Variants in ARHGAP42 observed in about 807,000 individuals in gnomAD.
ARHGAP42 encodes the protein rho GTPase-activating protein 42.
Under a neutral mutation model 125.0 loss-of-function variants are expected in ARHGAP42, and 63 were observed. The observed-to-expected ratio is 0.50, with a 90% CI of 0.41 to 0.62. The LOEUF (loss-of-function observed/expected upper bound fraction) is 0.62. Ranked by LOEUF, ARHGAP42 falls within the 20% of genes least tolerant of loss-of-function variation. The probability of loss-of-function intolerance (pLI) is 0.00; values close to 1 mark genes in which losing one functional copy is unlikely to be tolerated. For synonymous variants in ARHGAP42, 339 were observed against 351.0 expected, an observed-to-expected ratio of 0.97 and a Z score of 0.38; for missense variants, 766 against 1,024.2, an observed-to-expected ratio of 0.75 and a Z score of 3.44.
chr11:100,949,937 T>A lies in ARHGAP42; in HGVS notation c.1143T>A (p.Ile381=), dbSNP rs2135283585. ...GKEPIYTLPA[I]ISKKEEMYLN... ...TTTAGATTTATACTCTGCCTGCCAT[T>A]ATAAGCAAGAAAGAAGAAAGTAAGT... The change falls in exon 12 of 24, where the codon ATT becomes ATA. Residue 381 remains isoleucine (I), a synonymous_variant. Coordinates refer to ENST00000298815, the MANE Select transcript of ARHGAP42 (RefSeq NM_152432.4). The A allele has an allele frequency of 6.8e-7, 1 of 1,478,862 alleles. No homozygotes were observed. Among genetic ancestry groups the A allele is most frequent in the East Asian group, 2.5e-5 (1 of 40,048 alleles). 91.6% of individuals were successfully genotyped at this position (1,478,862 alleles called of 1,614,324 possible).
intron 1 of ARHGAP42, among the ~76,000 whole-genome samples, chr11:100,731,625 T>A (rs941449762): frequency 1.3e-5 from 2 of 152,196 alleles, no homozygotes; most frequent in African/African-American, 4.8e-5. Flanking sequence ...AATGGGACGC[T>A]CTGGGGCCCT....
At chr11:100,942,638 G>C (rs758425587) in intron 9 of ARHGAP42, among the ~76,000 whole-genome samples, 2 of 152,106 alleles carry the variant, frequency 1.3e-5, no homozygotes, top group Non-Finnish European at 2.9e-5. Context: ...TTAGTATAAA[G>C]TAAGTGCCTC....
At chr11:100,980,707 A>T (rs900329809) in intron 22 of ARHGAP42, among the ~76,000 whole-genome samples, 3 of 150,936 alleles carry the variant, frequency 2.0e-5, no homozygotes, top group African/African-American at 7.3e-5. Context: ...AGTAGCTGGG[A>T]TTACAGGTGT....
intron 3 of ARHGAP42, among the ~76,000 whole-genome samples, chr11:100,838,288 T>C (rs1329981254): frequency 6.6e-6 from 1 of 152,166 alleles, no homozygotes; most frequent in East Asian, 1.9e-4. Flanking sequence ...CTGCCAAGTT[T>C]TCCCACTATG....
intron 4 of ARHGAP42, among the ~76,000 whole-genome samples, chr11:100,895,445 A>G (rs1009657129): frequency 1.3e-5 from 2 of 151,252 alleles, no homozygotes; most frequent in African/African-American, 4.9e-5. Context: ...GAAAAGAAAT[A>G]TCTGCAATAA....
intron 2 of ARHGAP42, among the ~76,000 whole-genome samples, chr11:100,773,578 A>G (rs931615770): frequency 2.0e-5 from 3 of 152,198 alleles, no homozygotes; most frequent in Non-Finnish European, 1.5e-5. Context: ...CTTAAAAGAC[A>G]TCTTGAAGTC....
intron 1 of ARHGAP42, among the ~76,000 whole-genome samples, chr11:100,707,118 G>A (rs893405457): frequency 3.9e-5 from 6 of 152,182 alleles, no homozygotes; most frequent in Non-Finnish European, 8.8e-5. Flanking sequence ...TCAGATATAT[G>A]AATGCACCAA....
intron 3 of ARHGAP42, among the ~76,000 whole-genome samples, chr11:100,825,721 A>C (rs1161830426): frequency 6.6e-6 from 1 of 152,102 alleles, no homozygotes; most frequent in Non-Finnish European, 1.5e-5. Context: ...TGTCACTCCC[A>C]GGTTTCTTCT....
intron 21 of ARHGAP42, among the ~76,000 whole-genome samples, chr11:100,978,744 A>G (rs1284773545): frequency 6.6e-6 from 1 of 152,196 alleles, no homozygotes; most frequent in Admixed American, 6.5e-5. Flanking sequence ...AAAAAGGATG[A>G]GGATAGTAAG....
At chr11:100,938,476 C>T (rs572838) in intron 8 of ARHGAP42, among the ~76,000 whole-genome samples, 134,236 of 152,160 alleles carry the variant, frequency 0.88, 59,299 homozygotes, top group East Asian at 1. Flanking sequence ...ATTTGATCTG[C>T]ATCTGCTGCA....
At chr11:100,914,691 C>G (rs932199145) in intron 5 of ARHGAP42, among the ~76,000 whole-genome samples, 1 of 152,158 alleles carries the variant, frequency 6.6e-6, no homozygotes, top group Non-Finnish European at 1.5e-5. Flanking sequence ...TCCTCCTCCT[C>G]TCTCTTCACT....
At chr11:100,846,440 C>T (rs1374888524) in intron 3 of ARHGAP42, among the ~76,000 whole-genome samples, 2 of 152,112 alleles carry the variant, frequency 1.3e-5, no homozygotes, top group Non-Finnish European at 2.9e-5. Context: ...CCATCTTTAT[C>T]ATTTAAGTTT....
intron 4 of ARHGAP42, among the ~76,000 whole-genome samples, chr11:100,874,487 G>A (rs1380352954): frequency 6.6e-6 from 1 of 152,170 alleles, no homozygotes; most frequent in African/African-American, 2.4e-5. Flanking sequence ...CAGGAGAGCA[G>A]GTGTGGACAC....
chr11:100,958,559 T>A (rs1857869755), intron 12 of ARHGAP42, among the ~76,000 whole-genome samples: 1 of 151,928 alleles, frequency 6.6e-6, no homozygotes, highest in Admixed American at 6.6e-5. Context: ...ATATATATAT[T>A]TTTCAAAATG....
intron 1 of ARHGAP42, among the ~76,000 whole-genome samples, chr11:100,763,950 G>T (rs1340962190): frequency 6.6e-6 from 1 of 151,514 alleles, no homozygotes; most frequent in Non-Finnish European, 1.5e-5. Flanking sequence ...GTTAAATGTT[G>T]TAAGGCTCAT....
intron 1 of ARHGAP42, among the ~76,000 whole-genome samples, chr11:100,726,018 A>G (rs965834969): frequency 1.1e-4 from 16 of 150,008 alleles, no homozygotes; most frequent in African/African-American, 3.9e-4. Flanking sequence ...GGAGCACTTC[A>G]GCCTTGAAGT....
chr11:100,783,620 C>G (rs552826710), intron 2 of ARHGAP42, among the ~76,000 whole-genome samples: 2 of 152,252 alleles, frequency 1.3e-5, no homozygotes, highest in East Asian at 1.9e-4. Context: ...GTAGGGAAAC[C>G]TGGTCATTTC....
At chr11:100,895,468 C>T (rs686801) in intron 4 of ARHGAP42, among the ~76,000 whole-genome samples, 148,478 of 151,456 alleles carry the variant, frequency 0.98, 72,791 homozygotes, top group East Asian at 1. Context: ...ATTTTTTTCC[C>T]AGAACTATTC....
At chr11:100,874,747 C>G (rs909164002) in intron 4 of ARHGAP42, among the ~76,000 whole-genome samples, 4 of 152,106 alleles carry the variant, frequency 2.6e-5, no homozygotes, top group African/African-American at 9.7e-5. Flanking sequence ...CGTATCTTTC[C>G]TTTTTAAAAT....
Sources: gnomAD v4.1 joint callset for allele counts (sites outside exome capture counted in the v4.1 genomes callset) on GRCh38, gnomAD v4.1.1 for gene constraint, MANE v1.5 for transcripts, NCBI Gene and HGNC (gene_info 2026-07-23, HGNC 2026-07-21) for gene names.